The following PLCE1 variants were observed in gnomAD, a reference collection of about 807,000 sequenced individuals.
The protein encoded by PLCE1 is 1-phosphatidylinositol 4,5-bisphosphate phosphodiesterase epsilon-1.
A neutral mutation model predicts 242.8 loss-of-function variants in PLCE1; 119 were observed. The observed-to-expected ratio is 0.49, with a 90% confidence interval of 0.42 to 0.57. The LOEUF (loss-of-function observed/expected upper bound fraction) is 0.57, where lower values mean the gene tolerates loss of function less well. PLCE1 is among the 20% of genes least tolerant of loss of function. The pLI is 0.00. For synonymous variants in PLCE1, 945 were observed against 1,017.4 expected (o/e 0.93, Z 1.35); for missense variants, 2,441 against 2,788.8 (o/e 0.88, Z 2.81).
chr10:94,287,476 A>T (rs2052493871), intron 22 of PLCE1: 1 of 151,910 alleles, frequency 6.6e-6, no homozygotes, highest in Non-Finnish European at 1.5e-5. Flanking sequence ...GCAAAAAAAA[A>T]AAAAAAACCC....
At chr10:94,242,441 G>C (rs940263686) in intron 7 of PLCE1, among the ~76,000 whole-genome samples, 29 of 152,266 alleles carry the variant, frequency 1.9e-4, no homozygotes, top group African/African-American at 7.0e-4. Context: ...GTCCCAGGTA[G>C]CTGGGACTAC....
At chr10:94,007,773 A>G (rs376326055) in intron 1 of PLCE1, among the ~76,000 whole-genome samples, 12 of 137,212 alleles carry the variant, frequency 8.7e-5, no homozygotes, top group African/African-American at 3.1e-4. Context: ...ATGTATTTAC[A>G]TAGTTACACA....
In PLCE1 at chr10:94,245,786, G is replaced by A. The variant is rs568214906; in HGVS notation, c.2421-160G>A. ...GGCGTAAGCCACCACACCTGGCCTC[G>A]GTTATTAGAAGTTACTGTGTGCTAT... On this transcript the variant is annotated intron_variant, in intron 7 of 32. Transcript: ENST00000371380. Among the ~76,000 whole-genome samples the A allele has an allele frequency of 6.0e-4, 92 of 152,152 alleles. No homozygotes were observed. The Middle Eastern group carries it at 0.014, about 23-fold the overall frequency.
rs1263170493 is a variant in PLCE1 at position 94,132,352 on chromosome 10, T to C, written c.1385T>C (p.Ile462Thr). ...EYRATLQRTS[I>T]SQYITGSLLE... is the part of the protein sequence containing the mutation. ...CGCGCCACCCTCCAAAGGACTTCAATATCGCAGTACATCACCGGTTCTCTC... is the reference window on the plus strand; with the variant it reads ...CGCGCCACCCTCCAAAGGACTTCAACATCGCAGTACATCACCGGTTCTCTC... Residue 462 changes from isoleucine (I) to threonine (T), a missense_variant, in exon 3 of 33, where the codon ATA becomes ACA. By Grantham distance (89) the Ile-to-Thr change is moderately conservative. Coordinates refer to ENST00000371380, the MANE Select transcript of PLCE1 (RefSeq NM_016341.4). The C allele has an allele frequency of 6.2e-7, 1 of 1,613,912 alleles. No individual in the cohort carries two copies. The highest frequency in any genetic ancestry group is 8.5e-7 in the Non-Finnish European group (1 of 1,180,004).
intron 3 of PLCE1, among the ~76,000 whole-genome samples, chr10:94,160,639 C>T (rs1469097088): frequency 6.6e-6 from 1 of 152,176 alleles, no homozygotes; most frequent in Non-Finnish European, 1.5e-5. Flanking sequence ...TCCCATTTGT[C>T]AATTTTGTCT....
chr10:94,304,679 C>G (rs116138540), intron 25 of PLCE1, 34 bp downstream of exon 25: 1 of 1,606,434 alleles, frequency 6.2e-7, no homozygotes, highest in Non-Finnish European at 8.5e-7. Flanking sequence ...AACATAAGGT[C>G]GGGTTTAAGC....
chr10:94,069,390 A>C (rs111294881), intron 2 of PLCE1, among the ~76,000 whole-genome samples: 8 of 152,202 alleles, frequency 5.3e-5, no homozygotes, highest in African/African-American at 1.9e-4. Context: ...ACTTGAGGTC[A>C]GGAGTTCAAG....
intron 2 of PLCE1, among the ~76,000 whole-genome samples, chr10:94,123,988 G>A (rs2046369635): frequency 6.6e-6 from 1 of 152,142 alleles, no homozygotes; most frequent in African/African-American, 2.4e-5. Context: ...TACTGAAGGA[G>A]AATAGTAATA....
At chr10:94,262,986 C>G (rs1008180273) in intron 14 of PLCE1, among the ~76,000 whole-genome samples, 7 of 151,832 alleles carry the variant, frequency 4.6e-5, no homozygotes, top group Non-Finnish European at 8.8e-5. Context: ...ATTCTCCTGC[C>G]TCAGCCTCCT....
chr10:94,050,381 G>A (rs913617906), intron 2 of PLCE1, among the ~76,000 whole-genome samples: 2 of 152,088 alleles, frequency 1.3e-5, no homozygotes, highest in Non-Finnish European at 2.9e-5. Context: ...TCACTATCAT[G>A]AGAACAGCAT....
chr10:94,258,993 T>C, intron 12 of PLCE1, 21 bp from the exon 13 acceptor site: 5 of 1,614,078 alleles, frequency 3.1e-6, no homozygotes, highest in Non-Finnish European at 4.2e-6. Context: ...CAATGAGAGG[T>C]GTTTTCCATT....
At chr10:94,294,970 C>A (rs990392193) in intron 23 of PLCE1, among the ~76,000 whole-genome samples, 1 of 134,200 alleles carries the variant, frequency 7.5e-6, no homozygotes, top group East Asian at 2.2e-4. Flanking sequence ...GGCTGGAGTG[C>A]GGTGGCAAGA....
At chr10:94,134,750 T>A (rs2046713148) in intron 3 of PLCE1, among the ~76,000 whole-genome samples, 1 of 152,194 alleles carries the variant, frequency 6.6e-6, no homozygotes, top group Admixed American at 6.5e-5. Flanking sequence ...ATAATTTGAC[T>A]TCAATTGTAT....
intron 16 of PLCE1, 130 bp from the exon 17 acceptor site, chr10:94,268,799 A>G: frequency 1.5e-6 from 1 of 688,524 alleles, no homozygotes; most frequent in South Asian, 1.5e-5. Flanking sequence ...TGTTTGTTTT[A>G]GACCATTTGC....
Position 94,239,684 on chromosome 10 carries a change from C to CTTCTA in PLCE1, c.2420+3565_2420+3569dup, listed in dbSNP as rs572078884. Among the ~76,000 whole-genome samples, 296 of 152,292 alleles carry CTTCTA rather than the reference C, an allele frequency of 1.9e-3. 4 individuals are homozygous for CTTCTA. Among genetic ancestry groups the CTTCTA allele is most frequent in the Middle Eastern group, 0.01 (3 of 292 alleles). On this transcript the variant is annotated intron_variant, in intron 7 of 32. Transcript: ENST00000371380. ...ACTGCAAAGAGGTATTTTCTGTGTC[C>CTTCTA]TTCTACCTCAATAACCTCGTTAGAG...
At chr10:94,153,509 AC>A (rs1169315572) in intron 3 of PLCE1, among the ~76,000 whole-genome samples, 2 of 152,186 alleles carry the variant, frequency 1.3e-5, no homozygotes, top group African/African-American at 4.8e-5. Context: ...AAGATCAAGA[AC>A]CAAAAAAGAT....
At chr10:94,214,091 A>G (rs1475972163) in intron 4 of PLCE1, among the ~76,000 whole-genome samples, 1 of 152,176 alleles carries the variant, frequency 6.6e-6, no homozygotes, top group Non-Finnish European at 1.5e-5. Context: ...TTGGCTCCAC[A>G]TCCTGTGTTT....
chr10:94,239,206 T>G (rs993052410), intron 7 of PLCE1, among the ~76,000 whole-genome samples: 1 of 152,234 alleles, frequency 6.6e-6, no homozygotes, highest in Non-Finnish European at 1.5e-5. Flanking sequence ...GGTTTGGCTG[T>G]GCCTCCAGCC....
chr10:94,129,615 T>G (rs1304372501), intron 2 of PLCE1, among the ~76,000 whole-genome samples: 1 of 152,154 alleles, frequency 6.6e-6, no homozygotes, highest in Non-Finnish European at 1.5e-5. Flanking sequence ...AGTGAGCAAA[T>G]GCACAATGAG....
Sources: gnomAD v4.1 joint callset for allele counts (sites outside exome capture counted in the v4.1 genomes callset) on GRCh38, gnomAD v4.1.1 for gene constraint, MANE v1.5 for transcripts, NCBI Gene and HGNC (gene_info 2026-07-23, HGNC 2026-07-21) for gene names.